SNAI3: variants seen among roughly 807,000 people sequenced by gnomAD.
The protein encoded by SNAI3 is snail family transcriptional repressor 3, also known as zinc finger protein SNAI3.
A neutral mutation model predicts 16.4 loss-of-function variants in SNAI3; 21 were observed. The observed-to-expected ratio is 1.28, with a 90% CI of 0.91 to 1.85. SNAI3 has a LOEUF of 1.85. Ranked by LOEUF, SNAI3 falls within the 40% of genes most tolerant of loss-of-function variation. The probability of loss-of-function intolerance (pLI) is 0.00; values close to 1 mark genes in which losing one functional copy is unlikely to be tolerated. For synonymous variants in SNAI3, 202 were observed against 166.6 expected, an observed-to-expected ratio of 1.21 and a Z score of -1.64; for missense variants, 457 against 372.8, an observed-to-expected ratio of 1.23 and a Z score of -1.86.
Position 88,686,314 on chromosome 16 carries a change from G to T in SNAI3, c.76+17C>A. On this transcript the variant is annotated intron_variant, in intron 1 of 2. Coordinates refer to ENST00000332281, the MANE Select transcript of SNAI3 (RefSeq NM_178310.4). ...GGTCGAGTCCCGGCAGGGGCTCGGGGATCGGGTAGTCAGTACCTCTCTGCG... is the reference window on the plus strand; with the variant it reads ...GGTCGAGTCCCGGCAGGGGCTCGGGTATCGGGTAGTCAGTACCTCTCTGCG... The T allele has an allele frequency of 6.2e-7, 1 of 1,608,880 alleles. No individual in the cohort carries two copies. Among genetic ancestry groups the T allele is most frequent in the East Asian group, 2.2e-5 (1 of 44,678 alleles).
rs915277248 is a variant in SNAI3, at chr16:88,677,924, G to A, written c.*524C>T. The A allele has an allele frequency of 1.9e-5, 3 of 155,394 alleles. No individual in the cohort carries two copies. The highest frequency in any genetic ancestry group is 4.3e-5 in the Non-Finnish European group (3 of 69,940). 9.6% of individuals were successfully genotyped at this position (155,394 alleles called of 1,614,324 possible). A position where few individuals can be genotyped will look rare whatever the true frequency, so the allele number is the denominator to read the frequency against. ...TTGAGTGTGTGTGCACATGCACATA[G>A]ACGTGTGACATGGGGCAGCTCGTCC... On this transcript the variant is annotated 3_prime_UTR_variant, in exon 3 of 3. Coordinates refer to ENST00000332281, the MANE Select transcript of SNAI3 (RefSeq NM_178310.4).
chr16:88,686,096 A>G, intron 1 of SNAI3: 1 of 550,332 alleles, frequency 1.8e-6, no homozygotes, highest in Non-Finnish European at 3.2e-6. Context: ...AAACTTCTCC[A>G]AGTTGGGAGA....
chr16:88,686,251 C>T (rs940210569), intron 1 of SNAI3, 80 bp downstream of exon 1: 4 of 1,524,998 alleles, frequency 2.6e-6, no homozygotes, highest in Middle Eastern at 3.4e-4. Flanking sequence ...TCCCCAGCCC[C>T]CGCTCCCAGG....
At position 88,681,346 on chromosome 16, in the gene SNAI3, G is replaced by C. The variant is rs146468110; in HGVS notation, c.445C>G (p.Pro149Ala). ...LLGAERMPRA[P>A]GGFECFHCHK... is the part of the protein sequence containing the mutation. ...CAGTGGAAGCACTCAAAGCCGCCCG[G>C]GGCTCGGGGCATCCGCTCAGCCCCA... The change falls in exon 2 of 3, where the codon CCG (proline) becomes GCG (alanine). Residue 149 changes from proline (P) to alanine (A), a missense_variant. Coordinates refer to ENST00000332281, the MANE Select transcript of SNAI3 (RefSeq NM_178310.4). This position sits in a 1 kb window ranked among gnomAD's most constrained non-coding sequence, Gnocchi z 5.4. The C allele has an allele frequency of 5.3e-5, 85 of 1,612,734 alleles. No individual in the cohort carries two copies. The highest frequency in any genetic ancestry group is 7.1e-5 in the Non-Finnish European group (84 of 1,179,728).
At chr16:88,682,496 G>A (rs1200947618) in intron 1 of SNAI3, among the ~76,000 whole-genome samples, 1 of 152,240 alleles carries the variant, frequency 6.6e-6, no homozygotes, top group Non-Finnish European at 1.5e-5. Flanking sequence ...GCAGGTAAGA[G>A]TTAAACTCTG....
chr16:88,681,688 C>G lies in SNAI3; in HGVS notation c.103G>C (p.Gly35Arg), dbSNP rs761229243. ...GGGAGGAGGGGCACCACCAGCCCCC[C>G]ACAGGCAGAGCAGGCACCATTGATT... ...REINGACSAC[G>R]GLVVPLLPRD... is the part of the protein sequence containing the mutation. Residue 35 changes from glycine (G) to arginine (R), a missense_variant, in exon 2 of 3, where the codon GGG (glycine) becomes CGG (arginine). Coordinates refer to ENST00000332281, the MANE Select transcript of SNAI3 (RefSeq NM_178310.4). This position sits in a 1 kb window ranked among gnomAD's most constrained non-coding sequence, Gnocchi z 5.4. 3 of 1,467,486 alleles carry G rather than the reference C, an allele frequency of 2.0e-6. No homozygotes were observed. Among genetic ancestry groups the G allele is most frequent in the South Asian group, 3.1e-5 (2 of 64,936 alleles). 90.9% of individuals were successfully genotyped at this position (1,467,486 alleles called of 1,614,324 possible). A position where few individuals can be genotyped will look rare whatever the true frequency, so the allele number is the denominator to read the frequency against.
At chr16:88,683,212 A>G (rs1318402601) in intron 1 of SNAI3, among the ~76,000 whole-genome samples, 1 of 145,574 alleles carries the variant, frequency 6.9e-6, no homozygotes, top group Non-Finnish European at 1.5e-5. Flanking sequence ...CCTGCCTCAG[A>G]CTCCCAAGTA....
chr16:88,681,479 G>T lies in SNAI3; in HGVS notation c.312C>A (p.Pro104=). The change falls in exon 2 of 3, where the codon CCC becomes CCA. Residue 104 remains proline, a synonymous_variant. Coordinates refer to ENST00000332281, the MANE Select transcript of SNAI3 (RefSeq NM_178310.4). The surrounding 1 kb of genome is among the most constrained non-coding windows in gnomAD (Gnocchi z 5.4). ...DPRASRAAIV[P]LKDSLNHLNL... ...TGAGGTGGTTCAGGCTGTCTTTGAG[G>T]GGTACAATGGCGGCCCGGCTGGCCC... 6.4e-7 allele frequency: 1 copy of T among 1,570,788 alleles called. No individual in the cohort carries two copies. Among genetic ancestry groups the T allele is most frequent in the East Asian group, 2.3e-5 (1 of 44,124 alleles).
rs750498928 is a variant in SNAI3, at chr16:88,681,282, T to TGCCTGGCCA, written c.500_508dup (p.Leu167_Arg169dup). 3.1e-6 allele frequency: 5 copies of TGCCTGGCCA among 1,613,294 alleles called. No homozygotes were observed. The highest frequency in any genetic ancestry group is 1.3e-5 in the African/African-American group (1 of 75,042). ...CTGCAGGTGGCAGTGCAGCTGCCGG[T>TGCCTGGCCA]GCCTGGCCAGCCCGGCCAGCGTGTG... On this transcript the variant is annotated inframe_insertion, in exon 2 of 3. Transcript: ENST00000332281. The surrounding 1 kb of genome is among the most constrained non-coding windows in gnomAD (Gnocchi z 5.4).
Position 88,681,755 on chromosome 16 carries a change from A to G in SNAI3, c.77-41T>C. On this transcript the variant is annotated intron_variant, in intron 1 of 2. Coordinates refer to ENST00000332281, the MANE Select transcript of SNAI3 (RefSeq NM_178310.4). The surrounding 1 kb of genome is among the most constrained non-coding windows in gnomAD (Gnocchi z 5.4). ...GGAGAGAATAGAAAGATGAAGACTG[A>G]ATCCCCAGCACTTTGTGTTTTCCAA... The G allele has an allele frequency of 1.4e-6, 2 of 1,384,570 alleles. No homozygotes were observed. Among genetic ancestry groups the G allele is most frequent in the Non-Finnish European group, 1.9e-6 (2 of 1,065,154 alleles). The allele number at this position is 1,384,570 out of a possible 1,614,324, so 85.8% of individuals were successfully genotyped here.
Position 88,678,023 on chromosome 16 carries a change from G to A in SNAI3, c.*425C>T, listed in dbSNP as rs558983349. On this transcript the variant is annotated 3_prime_UTR_variant, in exon 3 of 3. Transcript: ENST00000332281. ...CCTACTGAGGAAGGGCCACAGGGCG[G>A]TGCTCACTATAAGTCAGAACTGTTC... The A allele has an allele frequency of 4.2e-4, 69 of 162,960 alleles. No individual in the cohort carries two copies. The highest frequency in any genetic ancestry group is 2.9e-3 in the Middle Eastern group (1 of 342). The allele number at this position is 162,960 out of a possible 1,614,324, so 10.1% of individuals were successfully genotyped here.
intron 1 of SNAI3, among the ~76,000 whole-genome samples, chr16:88,683,137 G>A (rs1338162940): frequency 1.4e-5 from 2 of 145,538 alleles, no homozygotes; most frequent in African/African-American, 5.1e-5. Flanking sequence ...CCAGGCTGGA[G>A]TGCAGTGGCG....
At position 88,678,298 on chromosome 16, in the gene SNAI3, C is replaced by G; in HGVS notation, c.*150G>C. ...CGGCCCAGTGGCCCCCGCTGGACTT[C>G]TTTGGTTCTGATTGGACGCAGATGT... On this transcript the variant is annotated 3_prime_UTR_variant, in exon 3 of 3. Transcript: ENST00000332281. 1 of 586,848 alleles carries G rather than the reference C, an allele frequency of 1.7e-6. No homozygotes were observed. Among genetic ancestry groups the G allele is most frequent in the Middle Eastern group, 4.6e-4 (1 of 2,192 alleles). 36.4% of individuals were successfully genotyped at this position (586,848 alleles called of 1,614,324 possible). A position where few individuals can be genotyped will look rare whatever the true frequency, so the allele number is the denominator to read the frequency against.
chr16:88,679,812 G>T (rs1420413204), intron 2 of SNAI3, among the ~76,000 whole-genome samples: 1 of 151,586 alleles, frequency 6.6e-6, no homozygotes, highest in African/African-American at 2.4e-5. Context: ...GGGCACAGTG[G>T]CTCATGCCTG....
At position 88,681,347 on chromosome 16, in the gene SNAI3, G is replaced by A. The variant is rs1255010292; in HGVS notation, c.444C>T (p.Ala148=). The A allele has an allele frequency of 6.2e-7, 1 of 1,612,870 alleles. No individual in the cohort carries two copies. The highest frequency in any genetic ancestry group is 8.5e-7 in the Non-Finnish European group (1 of 1,179,722). The change falls in exon 2 of 3, where the codon GCC becomes GCT. Residue 148 remains alanine (A), a synonymous_variant. Transcript: ENST00000332281. The surrounding 1 kb of genome is among the most constrained non-coding windows in gnomAD (Gnocchi z 5.4). The stretch of plus-strand genomic sequence containing the variant: ...AGTGGAAGCACTCAAAGCCGCCCGG[G>A]GCTCGGGGCATCCGCTCAGCCCCAA... ...KLLGAERMPR[A]PGGFECFHCH... is the part of the protein sequence containing the mutation.
chr16:88,686,264 C>G, intron 1 of SNAI3, 67 bp downstream of exon 1: 1 of 1,398,022 alleles, frequency 7.2e-7, no homozygotes, highest in South Asian at 1.3e-5. Flanking sequence ...CTCCCAGGGG[C>G]CTCTCTCTCT....
At chr16:88,684,811 T>C (rs1909301101) in intron 1 of SNAI3, among the ~76,000 whole-genome samples, 2 of 152,214 alleles carry the variant, frequency 1.3e-5, no homozygotes, top group African/African-American at 4.8e-5. Flanking sequence ...TTTAAGTACC[T>C]TGCTGGCTTC....
intron 1 of SNAI3, among the ~76,000 whole-genome samples, chr16:88,682,421 G>C (rs558112252): frequency 7.9e-5 from 12 of 152,346 alleles, no homozygotes; most frequent in African/African-American, 2.6e-4. Context: ...CTGGGGGCTG[G>C]CACACTGCAC....
At chr16:88,686,095 C>T in intron 1 of SNAI3, 1 of 548,998 alleles carries the variant, frequency 1.8e-6, no homozygotes. Flanking sequence ...AAAACTTCTC[C>T]AAGTTGGGAG....
Sources: allele counts gnomAD v4.1 joint callset (sites outside exome capture counted in the v4.1 genomes callset), GRCh38; gene constraint gnomAD v4.1.1; non-coding constraint Gnocchi (gnomAD v3.1); transcripts MANE v1.5; gene names NCBI Gene and HGNC (gene_info 2026-07-23, HGNC 2026-07-21).